ANAPC11: variants seen among roughly 807,000 people sequenced by gnomAD.
The protein encoded by ANAPC11 is anaphase-promoting complex subunit 11.
In ANAPC11, 5 loss-of-function variants were observed where a neutral mutation model predicts 11.8. That is an observed-to-expected ratio of 0.42 (90% CI 0.22 to 0.89). The LOEUF (loss-of-function observed/expected upper bound fraction) is 0.89, where lower values mean the gene tolerates loss of function less well. Ranked by LOEUF, ANAPC11 falls within the 40% of genes least tolerant of loss-of-function variation. The pLI is 0.28. For synonymous variants in ANAPC11, 45 were observed against 41.0 expected, an observed-to-expected ratio of 1.10 and a Z score of -0.38; for missense variants, 68 against 112.9, an observed-to-expected ratio of 0.60 and a Z score of 1.80.
At chr17:81,890,844 G>C (rs770114900), upstream of ANAPC11, 1 of 1,614,030 alleles carries the variant, frequency 6.2e-7, no homozygotes, top group Non-Finnish European at 8.5e-7. Flanking sequence ...CGCAACAAGA[G>C]CAGATCTGTG....
At chr17:81,895,640 A>G (rs1474670478) in intron 3 of ANAPC11, among the ~76,000 whole-genome samples, 1 of 152,012 alleles carries the variant, frequency 6.6e-6, no homozygotes. Flanking sequence ...CTGTCATCCT[A>G]GCACTGTGGG....
At chr17:81,892,853 ACTTG>A (rs1462506663) in intron 1 of ANAPC11, among the ~76,000 whole-genome samples, 17 of 151,082 alleles carry the variant, frequency 1.1e-4, no homozygotes, top group African/African-American at 3.9e-4. Context: ...GTTTTGAGAT[ACTTG>A]CTTTTGTTTT....
chr17:81,899,830 AG>A, intron 3 of ANAPC11, 89 bp from the exon 4 acceptor site: 2 of 1,329,104 alleles, frequency 1.5e-6, no homozygotes, highest in African/African-American at 2.9e-5. Flanking sequence ...GCCACTGCCC[AG>A]GGTCCCTACC....
In ANAPC11 at chr17:81,894,483, G is replaced by A. The variant is rs762731807; in HGVS notation, c.6G>A (p.Lys2=). 1 of 1,610,750 alleles carries A rather than the reference G, an allele frequency of 6.2e-7. No homozygotes were observed. Among genetic ancestry groups the A allele is most frequent in the Non-Finnish European group, 8.5e-7 (1 of 1,177,684 alleles). ...CCGCCGCAGGCTCTGCTGCCATGAA[G>A]GTGAAGATTAAGTGCTGGAACGGCG... M[K]VKIKCWNGVA... Residue 2 remains lysine, a synonymous_variant, in exon 3 of 4, where the codon AAG becomes AAA. Transcript: ENST00000344877.
chr17:81,898,221 C>T (rs1049723737), intron 3 of ANAPC11: 4 of 152,252 alleles, frequency 2.6e-5, no homozygotes, highest in Non-Finnish European at 5.9e-5. Flanking sequence ...GAAATTCCTC[C>T]GAACCATGTG....
rs201667030 is a variant in ANAPC11, at chr17:81,892,524, A to ATTTTTTTTTTTTTTT, written c.-75+687_-75+701dup. Among the ~76,000 whole-genome samples, 34 of 128,524 alleles carry ATTTTTTTTTTTTTTT rather than the reference A, an allele frequency of 2.6e-4. 3 individuals carry two copies. Among genetic ancestry groups the ATTTTTTTTTTTTTTT allele is most frequent in the African/African-American group, 9.9e-4 (33 of 33,384 alleles). The allele number at this position is 128,524 out of a possible 152,430, so 84.3% of individuals were successfully genotyped here. On this transcript the variant is annotated intron_variant, in intron 1 of 3. Coordinates refer to ENST00000344877, the MANE Select transcript of ANAPC11 (RefSeq NM_001002248.3). ...TGAAAACCAGTGTGCCATTTCATTG[A>ATTTTTTTTTTTTTTT]TTTTTTTTTTTTTTTTTTGAGGCAG...
chr17:81,899,535 G>A (rs779862510), intron 3 of ANAPC11: 3 of 1,612,884 alleles, frequency 1.9e-6, no homozygotes, highest in East Asian at 2.2e-5. Flanking sequence ...TGGGCCCAGG[G>A]CCTGTAGGTC....
At chr17:81,891,139 C>T (rs1192094140), upstream of ANAPC11, 4 of 603,364 alleles carry the variant, frequency 6.6e-6, no homozygotes, top group Non-Finnish European at 1.0e-5. Context: ...GGACCGGACC[C>T]CGAAAGAACG....
intron 3 of ANAPC11, chr17:81,899,655 C>G: frequency 6.1e-6 from 8 of 1,305,304 alleles, no homozygotes; most frequent in Non-Finnish European, 7.3e-6. Flanking sequence ...CATGATGAGC[C>G]TGGGTGAGGG....
intron 1 of ANAPC11, among the ~76,000 whole-genome samples, chr17:81,892,770 G>A (rs1010697431): frequency 6.6e-6 from 1 of 151,918 alleles, no homozygotes; most frequent in African/African-American, 2.4e-5. Flanking sequence ...TGATCCGCCC[G>A]CCTTGGCCTC....
chr17:81,892,349 C>T (rs1225335907), intron 1 of ANAPC11, among the ~76,000 whole-genome samples: 1 of 151,548 alleles, frequency 6.6e-6, no homozygotes, highest in South Asian at 2.1e-4. Flanking sequence ...CACTTCTGTA[C>T]TACCAGCTAC....
In ANAPC11 at chr17:81,891,768, G is replaced by T. The variant is rs879899823; in HGVS notation, c.-148G>T. On this transcript the variant is annotated 5_prime_UTR_variant, in exon 1 of 4. Coordinates refer to ENST00000344877, the MANE Select transcript of ANAPC11 (RefSeq NM_001002248.3). ...CTCGGCGGGCGCTGTTGAGGGAGTC[G>T]GGCCGCGACTGTGGTCGTTTTTATA... 6 of 357,994 alleles carry T rather than the reference G, an allele frequency of 1.7e-5. No homozygotes were observed. Among genetic ancestry groups the T allele is most frequent in the Non-Finnish European group, 2.8e-5 (6 of 217,284 alleles). 22.2% of individuals were successfully genotyped at this position (357,994 alleles called of 1,614,324 possible).
intron 3 of ANAPC11, 147 bp from the exon 4 acceptor site, chr17:81,899,773 A>G (rs2039877873): frequency 2.0e-6 from 2 of 981,318 alleles, no homozygotes; most frequent in Admixed American, 5.7e-5. Context: ...ATTGGGTAAC[A>G]CTCCTGATTT....
intron 3 of ANAPC11, among the ~76,000 whole-genome samples, chr17:81,896,082 G>C (rs1334639915): frequency 6.6e-6 from 1 of 152,192 alleles, no homozygotes; most frequent in African/African-American, 2.4e-5. Flanking sequence ...CCAGGTGTTC[G>C]AGACCAGCCT....
intron 3 of ANAPC11, among the ~76,000 whole-genome samples, chr17:81,895,245 G>T (rs1196581894): frequency 6.6e-6 from 1 of 151,918 alleles, no homozygotes; most frequent in African/African-American, 2.4e-5. Context: ...AGTAGAGACA[G>T]GCTTTCTCCA....
At chr17:81,899,380 TGTCTA>T in intron 3 of ANAPC11, 2 of 1,613,906 alleles carry the variant, frequency 1.2e-6, no homozygotes, top group Non-Finnish European at 1.7e-6. Context: ...GGATCCCTGA[TGTCTA>T]GGGAAGAGTC....
At chr17:81,891,657 G>C (rs1418178657), upstream of ANAPC11, 3 of 1,242,530 alleles carry the variant, frequency 2.4e-6, no homozygotes, top group African/African-American at 3.3e-5. Flanking sequence ...CACGGCCTCG[G>C]AGCGGCTGCT....
chr17:81,893,946 T>G (rs529432391), intron 2 of ANAPC11, among the ~76,000 whole-genome samples: 1 of 151,824 alleles, frequency 6.6e-6, no homozygotes, highest in Non-Finnish European at 1.5e-5. Flanking sequence ...CCTGACCCTC[T>G]GGGCCCAGAG....
At chr17:81,891,628 G>A (rs752383415), upstream of ANAPC11, 2 of 1,329,812 alleles carry the variant, frequency 1.5e-6, no homozygotes, top group South Asian at 1.4e-5. Context: ...TTCCGGCGCC[G>A]CGTGAGGCCT....
Sources: gnomAD v4.1 joint callset for allele counts (sites outside exome capture counted in the v4.1 genomes callset) on GRCh38, gnomAD v4.1.1 for gene constraint, MANE v1.5 for transcripts, NCBI Gene and HGNC (gene_info 2026-07-23, HGNC 2026-07-21) for gene names.